Variants in GULP1 observed in about 807,000 individuals in gnomAD.
The protein encoded by GULP1 is GULP PTB domain containing engulfment adaptor 1, also known as PTB domain-containing engulfment adapter protein 1.
Under a neutral mutation model 40.9 loss-of-function variants are expected in GULP1, and 19 were observed. The ratio of observed to expected loss-of-function variants is 0.46; its 90% CI spans 0.32 to 0.68. The LOEUF is 0.68. Ranked by LOEUF, GULP1 falls within the 30% of genes least tolerant of loss-of-function variation. GULP1 has a pLI of 0.03. For missense variants in GULP1, 312 were observed against 362.2 expected (o/e 0.86, Z 1.12); for synonymous variants, 119 against 117.6 (o/e 1.01, Z -0.08).
intron 4 of GULP1, among the ~76,000 whole-genome samples, chr2:188,495,039 A>G (rs1286347954): frequency 6.6e-6 from 1 of 151,876 alleles, no homozygotes; most frequent in Non-Finnish European, 1.5e-5. Flanking sequence ...TTCTAATCCT[A>G]TTTTGTAAAT....
chr2:188,347,018 C>T (rs999750793), intron 1 of GULP1, among the ~76,000 whole-genome samples: 11 of 151,762 alleles, frequency 7.2e-5, no homozygotes, highest in African/African-American at 2.7e-4. Flanking sequence ...TTGTTCTTTA[C>T]AGCTGATAAA....
At chr2:188,565,727 A>T (rs981975993) in intron 7 of GULP1, among the ~76,000 whole-genome samples, 1 of 152,122 alleles carries the variant, frequency 6.6e-6, no homozygotes, top group Non-Finnish European at 1.5e-5. Flanking sequence ...ATCTTAGAAG[A>T]ATGTTTGTGG....
At chr2:188,377,964 T>C (rs2152479242) in intron 1 of GULP1, among the ~76,000 whole-genome samples, 1 of 152,304 alleles carries the variant, frequency 6.6e-6, no homozygotes, top group African/African-American at 2.4e-5. Flanking sequence ...ATTGTAATTA[T>C]ATACAGACTT....
intron 1 of GULP1, among the ~76,000 whole-genome samples, chr2:188,294,615 A>C (rs2105863844): frequency 6.6e-6 from 1 of 152,246 alleles, no homozygotes; most frequent in Non-Finnish European, 1.5e-5. Flanking sequence ...CAAACAAACT[A>C]ATGTGGTTTA....
chr2:188,527,240 G>A (rs560489570), intron 5 of GULP1, among the ~76,000 whole-genome samples: 1 of 152,122 alleles, frequency 6.6e-6, no homozygotes, highest in Non-Finnish European at 1.5e-5. Context: ...CACAGTTCTT[G>A]TCAGAGGTCA....
At chr2:188,347,971 A>T (rs1014180625) in intron 1 of GULP1, among the ~76,000 whole-genome samples, 8 of 152,208 alleles carry the variant, frequency 5.3e-5, no homozygotes, top group African/African-American at 9.6e-5. Context: ...TATCTGCTGA[A>T]ATGAATTATG....
chr2:188,334,988 C>T (rs992575325), intron 1 of GULP1, among the ~76,000 whole-genome samples: 5 of 152,240 alleles, frequency 3.3e-5, no homozygotes, highest in South Asian at 4.1e-4. Flanking sequence ...GACTTGAAGG[C>T]ACTTCAGGCA....
At chr2:188,444,418 A>T (rs2058209696) in intron 2 of GULP1, among the ~76,000 whole-genome samples, 1 of 152,222 alleles carries the variant, frequency 6.6e-6, no homozygotes, top group Non-Finnish European at 1.5e-5. Context: ...ACTATTAAAA[A>T]AACAAATTAT....
At chr2:188,444,413 T>TA (rs971766060) in intron 2 of GULP1, among the ~76,000 whole-genome samples, 29 of 152,154 alleles carry the variant, frequency 1.9e-4, no homozygotes, top group Non-Finnish European at 8.8e-5. Flanking sequence ...ATTTAACTAT[T>TA]AAAAAAACAA....
intron 1 of GULP1, among the ~76,000 whole-genome samples, chr2:188,342,403 A>T (rs774614422): frequency 3.3e-5 from 5 of 152,036 alleles, no homozygotes; most frequent in Non-Finnish European, 7.4e-5. Context: ...CTCTCCTTTT[A>T]TAAGGACACT....
At chr2:188,345,756 A>G (rs1274615734) in intron 1 of GULP1, among the ~76,000 whole-genome samples, 1 of 152,244 alleles carries the variant, frequency 6.6e-6, no homozygotes, top group African/African-American at 2.4e-5. Context: ...GTGCATTTAT[A>G]AAGAAGTCCA....
intron 2 of GULP1, among the ~76,000 whole-genome samples, chr2:188,393,803 A>G (rs1032151614): frequency 6.6e-6 from 1 of 152,124 alleles, no homozygotes; most frequent in Non-Finnish European, 1.5e-5. Flanking sequence ...ACTGGATACA[A>G]AATTATTGGC....
chr2:188,377,431 A>C (rs1338205846), intron 1 of GULP1, among the ~76,000 whole-genome samples: 1 of 152,200 alleles, frequency 6.6e-6, no homozygotes, highest in Admixed American at 6.5e-5. Context: ...TATGTTTATA[A>C]TAGACAAGAT....
chr2:188,298,524 T>A (rs1229575650), intron 1 of GULP1, among the ~76,000 whole-genome samples: 5 of 152,172 alleles, frequency 3.3e-5, no homozygotes, highest in African/African-American at 1.2e-4. Context: ...AGCATTGTTT[T>A]AGAGTAACAA....
intron 1 of GULP1, among the ~76,000 whole-genome samples, chr2:188,312,524 C>T (rs897145210): frequency 3.9e-5 from 6 of 152,158 alleles, no homozygotes; most frequent in East Asian, 1.9e-4. Flanking sequence ...ATATGTACCA[C>T]GTTTTCTTTA....
At chr2:188,510,538 G>C (rs1196341837) in intron 4 of GULP1, among the ~76,000 whole-genome samples, 1 of 151,836 alleles carries the variant, frequency 6.6e-6, no homozygotes, top group African/African-American at 2.4e-5. Flanking sequence ...GTTATAAGTA[G>C]AATTGAAAAA....
chr2:188,423,361 A>G (rs2055721479), intron 2 of GULP1, among the ~76,000 whole-genome samples: 1 of 151,968 alleles, frequency 6.6e-6, no homozygotes, highest in African/African-American at 2.4e-5. Context: ...ACAGTATATG[A>G]TTTTTCCTAG....
intron 1 of GULP1, among the ~76,000 whole-genome samples, chr2:188,296,539 A>T (rs2034984148): frequency 6.6e-6 from 1 of 151,196 alleles, no homozygotes; most frequent in African/African-American, 2.4e-5. Flanking sequence ...GTTATGGCGA[A>T]TTTGAAATTA....
intron 1 of GULP1, among the ~76,000 whole-genome samples, chr2:188,381,343 A>G (rs2048978490): frequency 6.6e-6 from 1 of 152,104 alleles, no homozygotes; most frequent in Non-Finnish European, 1.5e-5. Context: ...TTTGAAAAGT[A>G]TTTCCTGCAG....
Sources: allele counts gnomAD v4.1 joint callset (sites outside exome capture counted in the v4.1 genomes callset), GRCh38; gene constraint gnomAD v4.1.1; transcripts MANE v1.5; gene names NCBI Gene and HGNC (gene_info 2026-07-23, HGNC 2026-07-21).